Variants in AMTN observed in about 807,000 individuals in gnomAD.
AMTN encodes amelotin.
AMTN carries 29 observed loss-of-function variants against 27.4 expected under a neutral mutation model. The observed-to-expected ratio is 1.06, with a 90% confidence interval of 0.79 to 1.44. The LOEUF (loss-of-function observed/expected upper bound fraction) is 1.44, where lower values mean the gene tolerates loss of function less well. AMTN is among the 40% of genes most tolerant of loss of function. The pLI, the probability that AMTN is intolerant of heterozygous loss-of-function variation, is 0.00. For missense variants in AMTN, 247 were observed against 248.8 expected, an observed-to-expected ratio of 0.99 and a Z score of 0.05; for synonymous variants, 86 against 95.7, an observed-to-expected ratio of 0.90 and a Z score of 0.59.
In AMTN at chr4:70,532,472, T is replaced by C. The variant is rs755580497; in HGVS notation, c.*7T>C. Reference sequence around the variant, plus strand: ...TCTTCCAGGAATTCAGTAAGCTGTTTCAAATTTTTTCAACTAAGCTGCCTC... The same window carrying C: ...TCTTCCAGGAATTCAGTAAGCTGTTCCAAATTTTTTCAACTAAGCTGCCTC... On this transcript the variant is annotated 3_prime_UTR_variant, in exon 9 of 9. Coordinates refer to ENST00000339336, the MANE Select transcript of AMTN (RefSeq NM_212557.4). 1 of 1,607,070 alleles carries C rather than the reference T, an allele frequency of 6.2e-7. No homozygotes were observed. The highest frequency in any genetic ancestry group is 1.1e-5 in the South Asian group (1 of 89,716).
intron 2 of AMTN, among the ~76,000 whole-genome samples, chr4:70,521,701 C>A (rs1408906899): frequency 9.0e-6 from 1 of 111,592 alleles, no homozygotes; most frequent in Non-Finnish European, 1.7e-5. Flanking sequence ...CACTCTGCAA[C>A]CTCTGGCTCC....
At chr4:70,522,160 T>C (rs569867402) in intron 2 of AMTN, among the ~76,000 whole-genome samples, 8 of 152,172 alleles carry the variant, frequency 5.3e-5, no homozygotes, top group African/African-American at 1.9e-4. Flanking sequence ...CCATGTCACC[T>C]TGGGCAAGTT....
At chr4:70,523,690 C>T (rs914031700) in intron 3 of AMTN, among the ~76,000 whole-genome samples, 178 bp from the exon 4 acceptor site, 1 of 152,154 alleles carries the variant, frequency 6.6e-6, no homozygotes, top group African/African-American at 2.4e-5. Flanking sequence ...TGCTAGGGCA[C>T]CTCCCAGGGC....
chr4:70,525,499 T>C (rs1174972423), intron 5 of AMTN, among the ~76,000 whole-genome samples: 2 of 152,232 alleles, frequency 1.3e-5, no homozygotes, highest in Admixed American at 1.3e-4. Context: ...CACTAAGATA[T>C]AAACGACATA....
chr4:70,522,200 GA>G (rs11307926), intron 2 of AMTN, among the ~76,000 whole-genome samples: 35,054 of 151,832 alleles, frequency 0.23, 5,222 homozygotes, highest in African/African-American at 0.42. Flanking sequence ...TCATCTATTA[GA>G]AAAAAATAAT....
In AMTN at chr4:70,522,845, G is replaced by A. The variant is rs1736010667; in HGVS notation, c.138+7G>A. 1 of 1,613,192 alleles carries A rather than the reference G, an allele frequency of 6.2e-7. No homozygotes were observed. Among genetic ancestry groups the A allele is most frequent in the Non-Finnish European group, 8.5e-7 (1 of 1,179,280 alleles). On this transcript the variant is annotated splice_region_variant and intron_variant, in intron 3 of 8. Transcript: ENST00000339336. ...CCAACAGCAGTCAAATCAGGTAAGA[G>A]TCCTACAATATGGAACATGTACAAA...
intron 5 of AMTN, among the ~76,000 whole-genome samples, chr4:70,527,467 T>G (rs1276926029): frequency 1.3e-5 from 2 of 152,218 alleles, no homozygotes; most frequent in Non-Finnish European, 2.9e-5. Flanking sequence ...CATTGCCACG[T>G]GAAGGCTAGT....
chr4:70,527,350 TA>T (rs1736121780), intron 5 of AMTN, among the ~76,000 whole-genome samples: 1 of 152,234 alleles, frequency 6.6e-6, no homozygotes, highest in South Asian at 2.1e-4. Flanking sequence ...CTTAGACATC[TA>T]TGGTTTCCTC....
At chr4:70,525,061 C>T (rs564835340) in intron 5 of AMTN, 100 bp downstream of exon 5, 29 of 1,091,954 alleles carry the variant, frequency 2.7e-5, no homozygotes, top group Middle Eastern at 4.1e-4. Flanking sequence ...GAAAATTTTG[C>T]CCAGATTATT....
intron 2 of AMTN, among the ~76,000 whole-genome samples, chr4:70,521,643 T>C (rs1464034837): frequency 2.5e-3 from 24 of 9,478 alleles, no homozygotes; most frequent in South Asian, 6.5e-3. Context: ...AACCTCTCTT[T>C]TTTTTTTTTT....
intron 2 of AMTN, 69 bp downstream of exon 2, chr4:70,518,900 T>C (rs1735881196): frequency 2.4e-6 from 3 of 1,242,356 alleles, no homozygotes; most frequent in Non-Finnish European, 3.6e-6. Context: ...GACCTACCTC[T>C]CTCCTGCCCT....
At position 70,531,296 on chromosome 4, in the gene AMTN, A is replaced by G. The variant is rs758849200; in HGVS notation, c.615A>G (p.Ala205=). The change falls in exon 8 of 9, where the codon GCA becomes GCG. Residue 205 remains alanine (A), a synonymous_variant. Coordinates refer to ENST00000339336, the MANE Select transcript of AMTN (RefSeq NM_212557.4). ...TCGAGGAAGCCACCACAGAATCAGC[A>G]AATGGTAAATTCTCCTAGCTTGGAA... ...HAIEEATTES[A]NGIQ 1.9e-6 allele frequency: 3 copies of G among 1,613,644 alleles called. No homozygotes were observed. In the East Asian group the frequency reaches 6.7e-5, roughly 36 times the overall value.
Position 70,527,842 on chromosome 4 carries a change from T to C in AMTN, c.295-881T>C, listed in dbSNP as rs532002727. On this transcript the variant is annotated intron_variant, in intron 5 of 8. Transcript: ENST00000339336. ...ACCTCACTCGAATCTTTTTCATCTT[T>C]TTGTGAACTAAATTTATAATATTTA... 1.5e-3 allele frequency among the ~76,000 whole-genome samples: 225 copies of C among 152,176 alleles called. 1 individual carries two copies. Among genetic ancestry groups the C allele is most frequent in the Non-Finnish European group, 5.4e-4 (37 of 68,026 alleles).
chr4:70,528,674 C>T (rs1263428768), intron 5 of AMTN, 49 bp from the exon 6 acceptor site: 1 of 1,538,702 alleles, frequency 6.5e-7, no homozygotes, highest in Non-Finnish European at 9.0e-7. Context: ...AGTATTTATA[C>T]CATCTTCCAG....
chr4:70,530,649 A>G (rs28514880), intron 7 of AMTN, among the ~76,000 whole-genome samples: 149,116 of 152,326 alleles, frequency 0.98, 73,004 homozygotes, highest in East Asian at 1. Flanking sequence ...AAATGTTTCT[A>G]ACTAAGTATT....
intron 2 of AMTN, among the ~76,000 whole-genome samples, chr4:70,521,621 A>T (rs1735968947): frequency 7.1e-6 from 1 of 141,330 alleles, no homozygotes; most frequent in Non-Finnish European, 1.5e-5. Flanking sequence ...ACCTCCTAGA[A>T]CAGATAATAC....
chr4:70,532,453 AG>A lies in AMTN; in HGVS notation c.620del, dbSNP rs1736245654. On this transcript the variant is annotated splice_acceptor_variant, in intron 8 of 8. Transcript: ENST00000339336. LOFTEE classifies it high-confidence loss of function. ...TTTAAAAGGTGTTTTATTTTCTTCC[AG>A]GAATTCAGTAAGCTGTTTCAAATTT... The A allele has an allele frequency of 3.7e-6, 6 of 1,604,734 alleles. No homozygotes were observed. The highest frequency in any genetic ancestry group is 5.1e-6 in the Non-Finnish European group (6 of 1,174,286).
Position 70,518,746 on chromosome 4 carries a change from C to A in AMTN, c.-15-17C>A. 1 of 1,524,044 alleles carries A rather than the reference C, an allele frequency of 6.6e-7. No homozygotes were observed. Among genetic ancestry groups the A allele is most frequent in the African/African-American group, 1.4e-5 (1 of 73,206 alleles). 94.4% of individuals were successfully genotyped at this position (1,524,044 alleles called of 1,614,324 possible). The stretch of plus-strand genomic sequence containing the variant: ...AAAAAAAATACATGGAAGAGTAACA[C>A]TTTTTTGTTGTTGTAGGTAGCAATC... On this transcript the variant is annotated splice_polypyrimidine_tract_variant and intron_variant, in intron 1 of 8. Coordinates refer to ENST00000339336, the MANE Select transcript of AMTN (RefSeq NM_212557.4).
At chr4:70,529,249 T>C in intron 7 of AMTN, 39 bp downstream of exon 7, 1 of 1,447,450 alleles carries the variant, frequency 6.9e-7, no homozygotes, top group East Asian at 2.5e-5. Flanking sequence ...TTATTTTCAC[T>C]TCTATCACAA....
Sources: allele counts gnomAD v4.1 joint callset (sites outside exome capture counted in the v4.1 genomes callset), GRCh38; gene constraint gnomAD v4.1.1; transcripts MANE v1.5; gene names NCBI Gene and HGNC (gene_info 2026-07-23, HGNC 2026-07-21).